Variants in TENM3 observed in about 807,000 individuals in gnomAD.
The protein encoded by TENM3 is teneurin transmembrane protein 3.
A neutral mutation model predicts 255.1 loss-of-function variants in TENM3; 63 were observed. The ratio of observed to expected loss-of-function variants is 0.25; its 90% CI spans 0.20 to 0.30. The LOEUF (loss-of-function observed/expected upper bound fraction) is 0.30. Among genes scored for constraint, TENM3 ranks in the 10% least tolerant of loss-of-function variants. The pLI, the probability that TENM3 is intolerant of heterozygous loss-of-function variation, is 1.00. For missense variants in TENM3, 2,929 were observed against 3,461.1 expected (o/e 0.85, Z 3.86); for synonymous variants, 1,306 against 1,322.3 (o/e 0.99, Z 0.27).
At chr4:182,061,011 A>C in the TENM3 span, among the ~76,000 whole-genome samples, 1 of 152,158 alleles carries the variant, frequency 6.6e-6, no homozygotes, top group Non-Finnish European at 1.5e-5. Flanking sequence ...TGTGGTTCAG[A>C]TGGTGTCTGT....
At chr4:182,597,298 A>G (rs1449474406) in intron 3 of TENM3, among the ~76,000 whole-genome samples, 1 of 152,124 alleles carries the variant, frequency 6.6e-6, no homozygotes, top group South Asian at 2.1e-4. Flanking sequence ...AGTTTCAGCT[A>G]CTTGAGAGGC....
the TENM3 span, among the ~76,000 whole-genome samples, chr4:181,776,146 G>T: frequency 1.3e-5 from 2 of 151,802 alleles, no homozygotes; most frequent in Non-Finnish European, 2.9e-5. Flanking sequence ...ATCCTTTTAG[G>T]TCCTTCATAT....
rs1205170937 is a variant in TENM3 at position 182,272,224 on chromosome 4, G to C, written c.-76+28748G>C. Reference sequence around the variant, plus strand: ...CATAATAACGACTTACTTAACTATAGGTCATTAATCTCAATCCTCCACACT... The same window carrying C: ...CATAATAACGACTTACTTAACTATACGTCATTAATCTCAATCCTCCACACT... On this transcript the variant is annotated intron_variant, in intron 1 of 27. Coordinates refer to ENST00000511685, the MANE Select transcript of TENM3 (RefSeq NM_001080477.4). Among the ~76,000 whole-genome samples, 3 of 152,084 alleles carry C rather than the reference G, an allele frequency of 2.0e-5. No homozygotes were observed. In the East Asian group the frequency reaches 5.8e-4, roughly 29 times the overall value.
At chr4:181,793,170 A>G in the TENM3 span, among the ~76,000 whole-genome samples, 1 of 152,180 alleles carries the variant, frequency 6.6e-6, no homozygotes, top group South Asian at 2.1e-4. Flanking sequence ...AAACTGCGCT[A>G]GACTCATTCA....
At chr4:182,395,150 AT>A (rs1217199989) in intron 3 of TENM3, among the ~76,000 whole-genome samples, 1 of 152,202 alleles carries the variant, frequency 6.6e-6, no homozygotes, top group African/African-American at 2.4e-5. Context: ...CAACAATATT[AT>A]CAGACAATTC....
At chr4:181,890,960 T>C in the TENM3 span, among the ~76,000 whole-genome samples, 9 of 152,218 alleles carry the variant, frequency 5.9e-5, no homozygotes, top group African/African-American at 1.9e-4. Context: ...ATCACTGCAC[T>C]CTTACCCCAG....
the TENM3 span, among the ~76,000 whole-genome samples, chr4:181,533,154 G>A: frequency 1.3e-5 from 2 of 152,090 alleles, no homozygotes; most frequent in Non-Finnish European, 2.9e-5. Context: ...GAAGAAGCAA[G>A]GATCCAGCTA....
chr4:182,479,555 T>C (rs1733995212), intron 3 of TENM3, among the ~76,000 whole-genome samples: 2 of 151,998 alleles, frequency 1.3e-5, no homozygotes, highest in Admixed American at 6.5e-5. Flanking sequence ...AAATGAGGAA[T>C]GCCATTTGTT....
rs191991914 is a variant in TENM3 at position 182,771,501 on chromosome 4, G to C, written c.4893-1971G>C. ...TTTTCATTTTCCGTCTCTGAAATGG[G>C]GGGGGGGGAAATAGTACAATACAGA... On this transcript the variant is annotated intron_variant, in intron 22 of 27. Transcript: ENST00000511685. Among the ~76,000 whole-genome samples, 389 of 148,862 alleles carry C rather than the reference G, an allele frequency of 2.6e-3. 4 individuals are homozygous for C. Among genetic ancestry groups the C allele is most frequent in the Non-Finnish European group, 4.1e-3 (272 of 66,620 alleles).
intron 1 of TENM3, among the ~76,000 whole-genome samples, chr4:182,189,940 G>A (rs1189425326): frequency 6.6e-6 from 1 of 152,176 alleles, no homozygotes; most frequent in African/African-American, 2.4e-5. Flanking sequence ...TTTGCCTTTA[G>A]GGTGGTTTTT....
At chr4:182,273,956 T>C (rs999462273) in intron 1 of TENM3, among the ~76,000 whole-genome samples, 1 of 152,216 alleles carries the variant, frequency 6.6e-6, no homozygotes, top group Non-Finnish European at 1.5e-5. Flanking sequence ...TAAATAAGAA[T>C]AGCATCTTCT....
intron 3 of TENM3, among the ~76,000 whole-genome samples, chr4:182,414,480 A>G (rs910524126): frequency 5.3e-5 from 8 of 152,220 alleles, no homozygotes; most frequent in Middle Eastern, 3.2e-3. Flanking sequence ...TGCTTCACAG[A>G]AAAATTAGTT....
At chr4:182,363,724 C>T (rs769792867) in intron 3 of TENM3, among the ~76,000 whole-genome samples, 168 of 152,056 alleles carry the variant, frequency 1.1e-3, no homozygotes, top group Non-Finnish European at 2.0e-3. Flanking sequence ...TTATTATTTG[C>T]ATATTGCAAA....
chr4:181,604,395 G>A, the TENM3 span, among the ~76,000 whole-genome samples: 2 of 152,210 alleles, frequency 1.3e-5, no homozygotes, highest in Non-Finnish European at 2.9e-5. Flanking sequence ...TGCATTTGGA[G>A]AACAAAACAG....
chr4:182,623,291 G>C (rs1362776352), intron 4 of TENM3, among the ~76,000 whole-genome samples: 1 of 151,690 alleles, frequency 6.6e-6, no homozygotes, highest in Non-Finnish European at 1.5e-5. Flanking sequence ...GGGATTACAG[G>C]TGTGAGCCAC....
chr4:182,652,660 C>T (rs1753415374), intron 5 of TENM3, among the ~76,000 whole-genome samples: 3 of 152,176 alleles, frequency 2.0e-5, no homozygotes, highest in African/African-American at 7.2e-5. Context: ...CAGGTCAGTG[C>T]CGTTACTTTA....
At chr4:181,883,880 T>C in the TENM3 span, among the ~76,000 whole-genome samples, 1 of 152,304 alleles carries the variant, frequency 6.6e-6, no homozygotes, top group South Asian at 2.1e-4. Flanking sequence ...TGGGTCTGGT[T>C]GCTGAACATC....
chr4:181,944,975 C>T, the TENM3 span, among the ~76,000 whole-genome samples: 3 of 152,056 alleles, frequency 2.0e-5, no homozygotes, highest in Admixed American at 1.3e-4. Flanking sequence ...ATGCTTGCCT[C>T]TCAGGGAAGA....
At chr4:181,553,122 T>C in the TENM3 span, among the ~76,000 whole-genome samples, 1 of 152,278 alleles carries the variant, frequency 6.6e-6, no homozygotes, top group South Asian at 2.1e-4. Flanking sequence ...CCTTTCATCC[T>C]TGTAGAGAAT....
Sources: gnomAD v4.1 joint callset for allele counts (sites outside exome capture counted in the v4.1 genomes callset) on GRCh38, gnomAD v4.1.1 for gene constraint, MANE v1.5 for transcripts, NCBI Gene and HGNC (gene_info 2026-07-23, HGNC 2026-07-21) for gene names.